Variants in ASF1A observed in about 807,000 individuals in gnomAD.
ASF1A encodes the protein histone chaperone ASF1A.
Under a neutral mutation model 22.0 loss-of-function variants are expected in ASF1A, and 5 were observed. That is an observed-to-expected ratio of 0.23 (90% CI 0.12 to 0.48). ASF1A has a LOEUF of 0.48. ASF1A is among the 20% of genes least tolerant of loss of function. The probability of loss-of-function intolerance (pLI) is 0.99; values close to 1 mark genes in which losing one functional copy is unlikely to be tolerated. For synonymous variants in ASF1A, 97 were observed against 86.7 expected, an observed-to-expected ratio of 1.12 and a Z score of -0.66; for missense variants, 137 against 240.6, an observed-to-expected ratio of 0.57 and a Z score of 2.85.
chr6:118,895,267 C>CCCGGGATGCG (rs887105410), intron 1 of ASF1A, among the ~76,000 whole-genome samples: 3 of 152,018 alleles, frequency 2.0e-5, no homozygotes, highest in South Asian at 2.1e-4. Context: ...TCGGCCGGCG[C>CCCGGGATGCG]CCGGGATGCG....
In ASF1A at chr6:118,894,254, C is replaced by T. The variant is rs1184273652; in HGVS notation, c.-160C>T. ...AAGCTGCAAAACACTGTGGAGTGCT[C>T]CCGTGTAAATAAAAAGAGGAAAAAA... is the stretch of plus-strand genomic sequence containing the variant. On this transcript the variant is annotated 5_prime_UTR_variant, in exon 1 of 4. Transcript: ENST00000229595. The T allele has an allele frequency of 1.3e-5, 19 of 1,454,314 alleles. 1 individual carries two copies. The South Asian group carries it at 2.7e-4, about 21-fold the overall frequency. 90.1% of individuals were successfully genotyped at this position (1,454,314 alleles called of 1,614,324 possible). A position where few individuals can be genotyped will look rare whatever the true frequency, so the allele number is the denominator to read the frequency against.
intron 2 of ASF1A, 156 bp downstream of exon 2, chr6:118,901,037 C>G (rs897503647): frequency 3.4e-6 from 2 of 582,700 alleles, no homozygotes; most frequent in East Asian, 2.8e-5. Flanking sequence ...TAGGCAGTCT[C>G]TGTGTCACAG....
chr6:118,906,934 A>C (rs1290891080), intron 3 of ASF1A, among the ~76,000 whole-genome samples: 1 of 152,202 alleles, frequency 6.6e-6, no homozygotes, highest in African/African-American at 2.4e-5. Context: ...CTTATATAGC[A>C]CAAAAGAAAC....
intron 3 of ASF1A, among the ~76,000 whole-genome samples, chr6:118,906,115 C>T (rs1177054020): frequency 2.0e-5 from 3 of 152,174 alleles, no homozygotes; most frequent in African/African-American, 7.2e-5. Context: ...CTCTGTTGCT[C>T]AGGCTGGAGC....
chr6:118,900,447 GAAAACTTA>G (rs1219704759), intron 1 of ASF1A, among the ~76,000 whole-genome samples: 8 of 152,304 alleles, frequency 5.3e-5, no homozygotes, highest in Middle Eastern at 3.4e-3. Flanking sequence ...GGATATCTCA[GAAAACTTA>G]CTGTGCCAGC....
rs1780291288 is a variant in ASF1A at position 118,908,052 on chromosome 6, G to C, written c.*438G>C. On this transcript the variant is annotated 3_prime_UTR_variant, in exon 4 of 4. Transcript: ENST00000229595. ...ACATATGGTATCATTTTAATTTAAG[G>C]GGCAGATTTCCATTCTTTTTTGGCA... 6.5e-6 allele frequency: 1 copy of C among 153,744 alleles called. No individual in the cohort carries two copies. Among genetic ancestry groups the C allele is most frequent in the Admixed American group, 6.4e-5 (1 of 15,562 alleles). 9.5% of individuals were successfully genotyped at this position (153,744 alleles called of 1,614,324 possible). A position where few individuals can be genotyped will look rare whatever the true frequency, so the allele number is the denominator to read the frequency against.
Position 118,909,088 on chromosome 6 carries a change from A to T in ASF1A, c.*1474A>T, listed in dbSNP as rs948025160. On this transcript the variant is annotated 3_prime_UTR_variant, in exon 4 of 4. Transcript: ENST00000229595. The stretch of plus-strand genomic sequence containing the variant: ...TACTTCTGACTGTTAAAACTATATA[A>T]AGAAAATCTCATTTGTCTAATTGCA... The T allele has an allele frequency of 1.3e-5, 2 of 152,366 alleles. No homozygotes were observed. The highest frequency in any genetic ancestry group is 6.5e-5 in the Admixed American group (1 of 15,296). The allele number at this position is 152,366 out of a possible 1,614,324, so 9.4% of individuals were successfully genotyped here. A position where few individuals can be genotyped will look rare whatever the true frequency, so the allele number is the denominator to read the frequency against.
chr6:118,906,080 C>CT (rs201352284), intron 3 of ASF1A, among the ~76,000 whole-genome samples: 2,330 of 151,984 alleles, frequency 0.015, 28 homozygotes, highest in Middle Eastern at 0.044. Context: ...GAAAGTACCT[C>CT]TTTTTTTTCT....
At chr6:118,902,072 A>G (rs1445479294) in intron 2 of ASF1A, among the ~76,000 whole-genome samples, 4 of 152,246 alleles carry the variant, frequency 2.6e-5, no homozygotes, top group Non-Finnish European at 5.9e-5. Context: ...AATAGCTAAG[A>G]AAAGCTCAAA....
intron 2 of ASF1A, among the ~76,000 whole-genome samples, chr6:118,902,533 T>TG (rs1262307250): frequency 6.6e-6 from 1 of 150,926 alleles, no homozygotes; most frequent in African/African-American, 2.4e-5. Context: ...TAATACTTTT[T>TG]TTTTTTTTTT....
intron 2 of ASF1A, 152 bp downstream of exon 2, chr6:118,901,033 GTC>G (rs1355413379): frequency 1.7e-6 from 1 of 586,598 alleles, no homozygotes; most frequent in Non-Finnish European, 3.0e-6. Context: ...GTTTTAGGCA[GTC>G]TCTGTGTCAC....
chr6:118,907,695 C>T lies in ASF1A; in HGVS notation c.*81C>T. 9 of 1,066,318 alleles carry T rather than the reference C, an allele frequency of 8.4e-6. No individual in the cohort carries two copies. The South Asian group carries it at 1.4e-4, about 17-fold the overall frequency. 66.1% of individuals were successfully genotyped at this position (1,066,318 alleles called of 1,614,324 possible). A position where few individuals can be genotyped will look rare whatever the true frequency, so the allele number is the denominator to read the frequency against. Reference sequence around the variant, plus strand: ...CCCTGAAATTCCGTAAGTACATAGTCAAAACACAATGTGAAGAATTTGTTT... The same window carrying T: ...CCCTGAAATTCCGTAAGTACATAGTTAAAACACAATGTGAAGAATTTGTTT... On this transcript the variant is annotated 3_prime_UTR_variant, in exon 4 of 4. Coordinates refer to ENST00000229595, the MANE Select transcript of ASF1A (RefSeq NM_014034.3).
chr6:118,900,606 G>C (rs1779744224), intron 1 of ASF1A, among the ~76,000 whole-genome samples, 160 bp from the exon 2 acceptor site: 1 of 152,196 alleles, frequency 6.6e-6, no homozygotes, highest in Admixed American at 6.5e-5. Flanking sequence ...GTGAACTCTG[G>C]TAGGAACTTT....
At chr6:118,898,560 G>A (rs756983249) in intron 1 of ASF1A, among the ~76,000 whole-genome samples, 12 of 151,948 alleles carry the variant, frequency 7.9e-5, no homozygotes, top group African/African-American at 2.7e-4. Flanking sequence ...GAGTAGCTGG[G>A]ACCACAGGCA....
intron 1 of ASF1A, among the ~76,000 whole-genome samples, chr6:118,897,137 C>T (rs1270968960): frequency 2.6e-5 from 4 of 152,154 alleles, no homozygotes; most frequent in Admixed American, 2.0e-4. Context: ...GCACCCAGCC[C>T]AAACTATAGA....
chr6:118,901,387 T>G (rs1437164138), intron 2 of ASF1A, among the ~76,000 whole-genome samples: 1 of 152,206 alleles, frequency 6.6e-6, no homozygotes, highest in Non-Finnish European at 1.5e-5. Flanking sequence ...GTTTAGTGGA[T>G]AGAGATGTGT....
At chr6:118,904,151 G>A (rs1489566124) in intron 2 of ASF1A, among the ~76,000 whole-genome samples, 1 of 152,142 alleles carries the variant, frequency 6.6e-6, no homozygotes, top group Non-Finnish European at 1.5e-5. Context: ...GGCTAGAGCT[G>A]GGGAGATCAG....
At chr6:118,907,323 A>G in intron 3 of ASF1A, 79 bp from the exon 4 acceptor site, 1 of 1,053,630 alleles carries the variant, frequency 9.5e-7, no homozygotes, top group South Asian at 1.5e-5. Flanking sequence ...AACATGAACC[A>G]TTTTATTAAG....
chr6:118,895,085 C>T (rs1190380209), intron 1 of ASF1A, among the ~76,000 whole-genome samples: 2 of 152,086 alleles, frequency 1.3e-5, no homozygotes, highest in East Asian at 3.9e-4. Flanking sequence ...CCGCACTCTC[C>T]GGGCTGGCCA....
Sources: allele counts gnomAD v4.1 joint callset (sites outside exome capture counted in the v4.1 genomes callset), GRCh38; gene constraint gnomAD v4.1.1; transcripts MANE v1.5; gene names NCBI Gene and HGNC (gene_info 2026-07-23, HGNC 2026-07-21).